Variants in DPY19L1 observed in about 807,000 individuals in gnomAD.
DPY19L1 encodes protein C-mannosyl-transferase DPY19L1.
Under a neutral mutation model 96.9 loss-of-function variants are expected in DPY19L1, and 35 were observed. The observed-to-expected ratio is 0.36, with a 90% CI of 0.28 to 0.48. The LOEUF (loss-of-function observed/expected upper bound fraction) is 0.48, where lower values mean the gene tolerates loss of function less well. Ranked by LOEUF, DPY19L1 falls within the 20% of genes least tolerant of loss-of-function variation. DPY19L1 has a pLI of 0.99. For missense variants in DPY19L1, 521 were observed against 777.9 expected, an observed-to-expected ratio of 0.67 and a Z score of 3.93; for synonymous variants, 205 against 252.6, an observed-to-expected ratio of 0.81 and a Z score of 1.79.
At chr7:35,017,501 C>CAAAA (rs1161959357) in intron 3 of DPY19L1, among the ~76,000 whole-genome samples, 3 of 13,680 alleles carry the variant, frequency 2.2e-4, no homozygotes, top group Admixed American at 1.4e-3. Flanking sequence ...GACTCCGTCT[C>CAAAA]AAAAAAAAAA....
At chr7:34,977,871 T>C (rs1784861663) in intron 7 of DPY19L1, among the ~76,000 whole-genome samples, 1 of 152,140 alleles carries the variant, frequency 6.6e-6, no homozygotes, top group Admixed American at 6.6e-5. Flanking sequence ...AATACATTTA[T>C]TGTGAAAATA....
At chr7:34,944,494 T>C (rs1784099392) in intron 16 of DPY19L1, among the ~76,000 whole-genome samples, 1 of 152,078 alleles carries the variant, frequency 6.6e-6, no homozygotes, top group South Asian at 2.1e-4. Flanking sequence ...CACTCCATCC[T>C]CTAATCCCAC....
rs1377255214 is a variant in DPY19L1 at position 34,939,382 on chromosome 7, G to C, written c.1865-7C>G. ...GCACCCGCAAACACTGCATCTGGAA[G>C]GCAAGAGGAATGTCTCAGGAAGACA... On this transcript the variant is annotated splice_region_variant and splice_polypyrimidine_tract_variant and intron_variant, in intron 19 of 21. Transcript: ENST00000638088. The C allele has an allele frequency of 8.1e-6, 13 of 1,613,526 alleles. No individual in the cohort carries two copies. Among genetic ancestry groups the C allele is most frequent in the Non-Finnish European group, 1.0e-5 (12 of 1,179,594 alleles).
Position 34,947,621 on chromosome 7 carries a change from T to A in DPY19L1, c.1494+9A>T. ...ATTATAAGAAAGAGCTCTTAAGTGA[T>A]AGACATACCTTTCTAACAATAGCAA... is the stretch of plus-strand genomic sequence containing the variant. On this transcript the variant is annotated intron_variant, in intron 15 of 21. Transcript: ENST00000638088. 3 of 1,605,260 alleles carry A rather than the reference T, an allele frequency of 1.9e-6. No homozygotes were observed. Among genetic ancestry groups the A allele is most frequent in the Non-Finnish European group, 2.6e-6 (3 of 1,175,788 alleles).
At chr7:34,939,475 G>T in intron 19 of DPY19L1, 100 bp from the exon 20 acceptor site, 2 of 956,246 alleles carry the variant, frequency 2.1e-6, no homozygotes, top group Non-Finnish European at 3.1e-6. Context: ...CAGAGCGGAA[G>T]CCCAGCAGGT....
At chr7:34,944,365 C>CAAAAAAAAAAAAA (rs60937482) in intron 16 of DPY19L1, among the ~76,000 whole-genome samples, 1 of 82,306 alleles carries the variant, frequency 1.2e-5, no homozygotes, top group African/African-American at 5.1e-5. Context: ...GGCTCTGTCT[C>CAAAAAAAAAAAAA]AAAAAAAAAA....
At position 34,939,390 on chromosome 7, in the gene DPY19L1, G is replaced by A. The variant is rs769219038; in HGVS notation, c.1865-15C>T. 6.2e-7 allele frequency: 1 copy of A among 1,611,782 alleles called. No homozygotes were observed. Among genetic ancestry groups the A allele is most frequent in the Non-Finnish European group, 8.5e-7 (1 of 1,178,044 alleles). Reference sequence around the variant, plus strand: ...AAACACTGCATCTGGAAGGCAAGAGGAATGTCTCAGGAAGACACTCAGTGA... The same window carrying A: ...AAACACTGCATCTGGAAGGCAAGAGAAATGTCTCAGGAAGACACTCAGTGA... On this transcript the variant is annotated splice_polypyrimidine_tract_variant and intron_variant, in intron 19 of 21. Coordinates refer to ENST00000638088, the MANE Select transcript of DPY19L1 (RefSeq NM_001366673.1).
At chr7:34,933,491 AT>A (rs147890471) in intron 21 of DPY19L1, among the ~76,000 whole-genome samples, 2,179 of 152,316 alleles carry the variant, frequency 0.014, 44 homozygotes, top group African/African-American at 0.049. Context: ...ACTTGATTGG[AT>A]TGAAGGATCA....
chr7:34,941,142 G>A (rs1283082610), intron 18 of DPY19L1, among the ~76,000 whole-genome samples: 1 of 152,120 alleles, frequency 6.6e-6, no homozygotes, highest in Non-Finnish European at 1.5e-5. Flanking sequence ...CATCCCTAGA[G>A]TGCGCAGTGT....
chr7:34,929,039 T>C lies in DPY19L1; in HGVS notation c.*2534A>G, dbSNP rs1783694782. On this transcript the variant is annotated 3_prime_UTR_variant, in exon 22 of 22. Coordinates refer to ENST00000638088, the MANE Select transcript of DPY19L1 (RefSeq NM_001366673.1). ...CACTGGCCTATTTTAACACTATATT[T>C]TTTTTGCCAAGCATTTTTAGAGGCT... 6.6e-6 allele frequency: 1 copy of C among 152,230 alleles called. No homozygotes were observed. Among genetic ancestry groups the C allele is most frequent in the Non-Finnish European group, 1.5e-5 (1 of 68,030 alleles). The allele number at this position is 152,230 out of a possible 1,614,324, so 9.4% of individuals were successfully genotyped here.
chr7:35,001,486 G>A (rs570135794), intron 6 of DPY19L1, among the ~76,000 whole-genome samples: 7 of 152,082 alleles, frequency 4.6e-5, no homozygotes, highest in African/African-American at 1.7e-4. Flanking sequence ...ACTCATTTAG[G>A]TGTTCTTCCC....
intron 11 of DPY19L1, among the ~76,000 whole-genome samples, chr7:34,956,306 T>C (rs1413667640): frequency 6.8e-6 from 1 of 146,452 alleles, no homozygotes; most frequent in East Asian, 2.0e-4. Context: ...CTGAGTACTT[T>C]GTCACCTTTC....
At chr7:35,013,098 T>C (rs1785754139) in intron 4 of DPY19L1, among the ~76,000 whole-genome samples, 1 of 152,170 alleles carries the variant, frequency 6.6e-6, no homozygotes, top group African/African-American at 2.4e-5. Flanking sequence ...ACAAAATCAT[T>C]AAAATATATA....
At chr7:34,959,328 T>C (rs976699992) in intron 10 of DPY19L1, among the ~76,000 whole-genome samples, 49 of 152,326 alleles carry the variant, frequency 3.2e-4, no homozygotes, top group African/African-American at 1.2e-3. Context: ...GATCTAGAAC[T>C]AGAAATACCA....
chr7:34,988,602 T>C (rs1785099707), intron 7 of DPY19L1, among the ~76,000 whole-genome samples: 2 of 152,202 alleles, frequency 1.3e-5, no homozygotes, highest in East Asian at 3.9e-4. Flanking sequence ...CTCTGCATTA[T>C]GTTTGGAGAT....
intron 1 of DPY19L1, among the ~76,000 whole-genome samples, chr7:35,036,280 T>C (rs1786397264): frequency 6.6e-6 from 1 of 152,210 alleles, no homozygotes; most frequent in Admixed American, 6.5e-5. Context: ...AAAAGCAATG[T>C]AACAGCATTT....
At chr7:34,944,436 T>TC (rs1453286103) in intron 16 of DPY19L1, among the ~76,000 whole-genome samples, 1 of 149,728 alleles carries the variant, frequency 6.7e-6, no homozygotes, top group Non-Finnish European at 1.5e-5. Context: ...ACAATCCTTC[T>TC]CCCCCCAAAA....
chr7:34,970,414 T>A (rs1409297422), intron 8 of DPY19L1, among the ~76,000 whole-genome samples: 2 of 152,216 alleles, frequency 1.3e-5, no homozygotes, highest in Non-Finnish European at 2.9e-5. Flanking sequence ...AATCAACTTA[T>A]GGAATAAAAT....
Position 34,937,866 on chromosome 7 carries a change from AAG to A in DPY19L1, c.2090+126_2090+127del. On this transcript the variant is annotated intron_variant, in intron 21 of 21. Transcript: ENST00000638088. The stretch of plus-strand genomic sequence containing the variant: ...AGAGTGAGAGCCTGTTTAAAAAAAA[AAG>A]AAGAAGTTTTTCCATGTATACTTTA... 3.0e-6 allele frequency: 3 copies of A among 988,856 alleles called. No individual in the cohort carries two copies. The African/African-American group carries it at 5.8e-5, about 19-fold the overall frequency. The allele number at this position is 988,856 out of a possible 1,614,324, so 61.3% of individuals were successfully genotyped here. A position where few individuals can be genotyped will look rare whatever the true frequency, so the allele number is the denominator to read the frequency against.
Sources: allele counts gnomAD v4.1 joint callset (sites outside exome capture counted in the v4.1 genomes callset), GRCh38; gene constraint gnomAD v4.1.1; transcripts MANE v1.5; gene names NCBI Gene and HGNC (gene_info 2026-07-23, HGNC 2026-07-21).